The following CAMTA1 variants were observed in gnomAD, a reference collection of about 807,000 sequenced individuals.
CAMTA1 encodes the protein calmodulin-binding transcription activator 1.
A neutral mutation model predicts 170.9 loss-of-function variants in CAMTA1; 27 were observed. That is an observed-to-expected ratio of 0.16 (90% CI 0.12 to 0.22). The LOEUF (loss-of-function observed/expected upper bound fraction) is 0.22. CAMTA1 is among the 10% of genes least tolerant of loss of function. The pLI, the probability that CAMTA1 is intolerant of heterozygous loss-of-function variation, is 1.00. For missense variants in CAMTA1, 1,619 were observed against 2,217.2 expected (o/e 0.73, Z 5.42); for synonymous variants, 833 against 891.5 (o/e 0.93, Z 1.17).
chr1:7,307,367 G>A (rs184594716), intron 5 of CAMTA1, among the ~76,000 whole-genome samples: 1 of 151,080 alleles, frequency 6.6e-6, no homozygotes, highest in African/African-American at 2.4e-5. Context: ...AGAATTTTTT[G>A]TGTGGGCAAT....
chr1:7,498,786 TATGTGTGTGC>T (rs1445389790), intron 6 of CAMTA1, among the ~76,000 whole-genome samples: 12 of 148,014 alleles, frequency 8.1e-5, no homozygotes, highest in South Asian at 4.2e-4. Context: ...CATGTGTATG[TATGTGTGTGC>T]ATGTGTGTAC....
intron 3 of CAMTA1, among the ~76,000 whole-genome samples, chr1:6,983,946 C>T (rs113033251): frequency 8.2e-4 from 61 of 74,114 alleles, no homozygotes; most frequent in African/African-American, 3.3e-3. Context: ...GTGGGTGGAT[C>T]GAGGGTTGGG....
chr1:7,478,608 G>A (rs532179319), intron 6 of CAMTA1, among the ~76,000 whole-genome samples: 42 of 152,232 alleles, frequency 2.8e-4, no homozygotes, highest in Non-Finnish European at 4.7e-4. Flanking sequence ...TAATCCTTCC[G>A]TCGGCAGAGG....
intron 3 of CAMTA1, among the ~76,000 whole-genome samples, chr1:6,855,435 G>C (rs181886063): frequency 6.6e-6 from 1 of 151,740 alleles, no homozygotes; most frequent in African/African-American, 2.4e-5. Context: ...AGGGGAAGCA[G>C]GCTTGTCTTA....
rs146906584 is a variant in CAMTA1 at position 6,941,420 on chromosome 1, T to C, written c.234+116210T>C. 4.6e-3 allele frequency among the ~76,000 whole-genome samples: 698 copies of C among 152,246 alleles called. 8 individuals carry two copies. The highest frequency in any genetic ancestry group is 0.016 in the African/African-American group (682 of 41,528). ...CAGAGGCCAGGCACTGGGGTGTTCA[T>C]TGAGCAGCAAGGAAGCCGTGACCGG... On this transcript the variant is annotated intron_variant, in intron 3 of 22. Coordinates refer to ENST00000303635, the MANE Select transcript of CAMTA1 (RefSeq NM_015215.4).
intron 6 of CAMTA1, among the ~76,000 whole-genome samples, chr1:7,499,265 GTA>G (rs1265665967): frequency 2.3e-5 from 3 of 128,552 alleles, no homozygotes; most frequent in Admixed American, 7.9e-5. Context: ...GAGTGAGTGT[GTA>G]GAGAGGATGG....
chr1:7,662,011 AC>A, intron 8 of CAMTA1, 145 bp downstream of exon 8: 1 of 989,834 alleles, frequency 1.0e-6, no homozygotes, highest in Non-Finnish European at 1.5e-6. Flanking sequence ...ACACCACCGC[AC>A]CCAGCACAGA....
At chr1:7,703,027 CA>C (rs113619257) in intron 11 of CAMTA1, among the ~76,000 whole-genome samples, 2 of 152,294 alleles carry the variant, frequency 1.3e-5, no homozygotes, top group East Asian at 3.9e-4. Context: ...ACTCTGAACC[CA>C]GGGGGGTTGG....
rs112482111 is a variant in CAMTA1 at position 7,594,557 on chromosome 1, T to C, written c.511-45843T>C. ...CTCTGGCTGCTTTGGGCAACATGGT[T>C]GTTTGCAAAGTCTGGGCTGGCGGCC... On this transcript the variant is annotated intron_variant, in intron 6 of 22. Transcript: ENST00000303635. Among the ~76,000 whole-genome samples, 707 of 152,258 alleles carry C rather than the reference T, an allele frequency of 4.6e-3. 6 individuals carry two copies. Among genetic ancestry groups the C allele is most frequent in the African/African-American group, 0.016 (681 of 41,552 alleles).
chr1:7,408,562 C>T (rs1326803668), intron 5 of CAMTA1, among the ~76,000 whole-genome samples: 1 of 152,182 alleles, frequency 6.6e-6, no homozygotes, highest in Non-Finnish European at 1.5e-5. Context: ...GAGGAAGCCA[C>T]CCTGGGCAGC....
chr1:7,568,443 C>G (rs1317705582), intron 6 of CAMTA1, among the ~76,000 whole-genome samples: 3 of 151,314 alleles, frequency 2.0e-5, no homozygotes, highest in Admixed American at 2.0e-4. Flanking sequence ...CCATCAACAT[C>G]ATCACCACAT....
At chr1:6,846,454 C>T (rs1658187180) in intron 3 of CAMTA1, among the ~76,000 whole-genome samples, 1 of 152,170 alleles carries the variant, frequency 6.6e-6, no homozygotes, top group Admixed American at 6.5e-5. Context: ...TGCAGCTTTC[C>T]TGCCTGGGGC....
intron 3 of CAMTA1, among the ~76,000 whole-genome samples, chr1:7,039,242 C>G (rs1704077110): frequency 6.6e-6 from 1 of 152,098 alleles, no homozygotes. Flanking sequence ...CACCTTCCCA[C>G]TTTTCTTCCT....
At chr1:7,310,698 CTCTCTTTCTTTCTTTCTTTCTT>C (rs1676519920) in intron 5 of CAMTA1, among the ~76,000 whole-genome samples, 8 of 52,638 alleles carry the variant, frequency 1.5e-4, no homozygotes, top group African/African-American at 8.1e-4. Flanking sequence ...CTCTCTCTCT[CTCTCTTTCTTTCTTTCTTTCTT>C]TCTTTCTTTC....
At chr1:7,137,352 C>T (rs922424092) in intron 4 of CAMTA1, among the ~76,000 whole-genome samples, 1 of 152,202 alleles carries the variant, frequency 6.6e-6, no homozygotes, top group Non-Finnish European at 1.5e-5. Context: ...GAAAGACCCC[C>T]ACCAGCTCCT....
chr1:6,816,605 G>A (rs1038202600), intron 1 of CAMTA1, among the ~76,000 whole-genome samples: 3 of 152,224 alleles, frequency 2.0e-5, no homozygotes, highest in Non-Finnish European at 4.4e-5. Flanking sequence ...TTCTGAGGAA[G>A]GACTTGAACC....
chr1:7,180,511 CTTT>C (rs397862259), intron 4 of CAMTA1, among the ~76,000 whole-genome samples: 145 of 71,178 alleles, frequency 2.0e-3, no homozygotes, highest in Admixed American at 3.8e-3. Context: ...TGTCACTAGA[CTTT>C]TTTTTTTTTT....
intron 16 of CAMTA1, among the ~76,000 whole-genome samples, chr1:7,742,795 A>C (rs2096827929): frequency 6.6e-6 from 1 of 152,204 alleles, no homozygotes; most frequent in African/African-American, 2.4e-5. Context: ...CGTTTGAGTC[A>C]CAAATCAAGA....
At position 7,224,073 on chromosome 1, in the gene CAMTA1, A is replaced by C. The variant is rs1036640216; in HGVS notation, c.303-25418A>C. ...TAATCATAATCACTACCATGAACCCACATGACATGCAGTTGTATAAAGGAT... is the reference window on the plus strand; with the variant it reads ...TAATCATAATCACTACCATGAACCCCCATGACATGCAGTTGTATAAAGGAT... On this transcript the variant is annotated intron_variant, in intron 4 of 22. Coordinates refer to ENST00000303635, the MANE Select transcript of CAMTA1 (RefSeq NM_015215.4). The surrounding 1 kb of genome is among the most constrained non-coding windows in gnomAD (Gnocchi z 5.2). 6.6e-6 allele frequency among the ~76,000 whole-genome samples: 1 copy of C among 152,162 alleles called. No individual in the cohort carries two copies. Among genetic ancestry groups the C allele is most frequent in the Non-Finnish European group, 1.5e-5 (1 of 68,032 alleles).
Sources: allele counts gnomAD v4.1 joint callset (sites outside exome capture counted in the v4.1 genomes callset), GRCh38; gene constraint gnomAD v4.1.1; non-coding constraint Gnocchi (gnomAD v3.1); transcripts MANE v1.5; gene names NCBI Gene and HGNC (gene_info 2026-07-23, HGNC 2026-07-21).